Variants in PLD5 observed in about 807,000 individuals in gnomAD.
The protein encoded by PLD5 is inactive phospholipase D5.
PLD5 carries 36 observed loss-of-function variants against 61.1 expected under a neutral mutation model. The ratio of observed to expected loss-of-function variants is 0.59; its 90% CI spans 0.45 to 0.78. PLD5 has a LOEUF of 0.78. PLD5 is among the 30% of genes least tolerant of loss of function. PLD5 has a pLI of 0.00. For missense variants in PLD5, 515 were observed against 644.4 expected, an observed-to-expected ratio of 0.80 and a Z score of 2.17; for synonymous variants, 243 against 242.8, an observed-to-expected ratio of 1.00 and a Z score of -0.01.
chr1:242,246,639 G>A (rs925100901), intron 4 of PLD5, among the ~76,000 whole-genome samples: 7 of 152,164 alleles, frequency 4.6e-5, no homozygotes, highest in African/African-American at 1.2e-4. Flanking sequence ...AATAGCTTCT[G>A]TTTTGTAGAC....
At chr1:242,394,173 T>TGTATATATATGTGTATATATATGA (rs1663193429) in intron 1 of PLD5, among the ~76,000 whole-genome samples, 3 of 79,454 alleles carry the variant, frequency 3.8e-5, no homozygotes, top group African/African-American at 1.6e-4. Flanking sequence ...TATATATATG[T>TGTATATATATGTGTATATATATGA]GTATATATGA....
chr1:242,424,135 C>A (rs1202278264), intron 1 of PLD5, among the ~76,000 whole-genome samples: 2 of 152,182 alleles, frequency 1.3e-5, no homozygotes, highest in African/African-American at 4.8e-5. Flanking sequence ...TTTGTAATCC[C>A]TTCTCTACAG....
intron 2 of PLD5, among the ~76,000 whole-genome samples, chr1:242,316,252 C>T (rs989491820): frequency 2.0e-5 from 3 of 152,168 alleles, no homozygotes; most frequent in African/African-American, 4.8e-5. Flanking sequence ...AATGAGTGCC[C>T]ATTTTGGGGG....
Position 242,472,802 on chromosome 1 carries a change from CGT to C in PLD5, c.189+51284_189+51285del, listed in dbSNP as rs571568680. Among the ~76,000 whole-genome samples the C allele has an allele frequency of 6.0e-3, 919 of 152,066 alleles. 4 individuals are homozygous for C. The highest frequency in any genetic ancestry group is 0.02 in the Middle Eastern group (6 of 294). ...TTAACAGTCTCTACTTTATCAAATC[CGT>C]GTGTTCCATCTATGAATTTCAGATT... On this transcript the variant is annotated intron_variant, in intron 1 of 9. Coordinates refer to ENST00000536534, the MANE Select transcript of PLD5 (RefSeq NM_001372062.1).
At chr1:242,499,626 C>A (rs927633663) in intron 1 of PLD5, among the ~76,000 whole-genome samples, 1 of 152,010 alleles carries the variant, frequency 6.6e-6, no homozygotes, top group African/African-American at 2.4e-5. Flanking sequence ...GTGTAATTGG[C>A]AATAAGATGG....
intron 2 of PLD5, among the ~76,000 whole-genome samples, chr1:242,288,890 A>G (rs1018032071): frequency 3.9e-5 from 6 of 152,132 alleles, no homozygotes; most frequent in African/African-American, 7.2e-5. Context: ...AAGCAATTCA[A>G]TTCCTATATA....
intron 1 of PLD5, among the ~76,000 whole-genome samples, chr1:242,474,613 T>C (rs1230714465): frequency 6.6e-6 from 1 of 152,222 alleles, no homozygotes; most frequent in Non-Finnish European, 1.5e-5. Context: ...ACAGAACTGA[T>C]TAGGTTATTC....
intron 7 of PLD5, among the ~76,000 whole-genome samples, chr1:242,109,228 C>T (rs1161532867): frequency 1.3e-5 from 2 of 152,208 alleles, no homozygotes; most frequent in Non-Finnish European, 2.9e-5. Flanking sequence ...CCTGTCATTC[C>T]AGCACTTTGG....
intron 1 of PLD5, among the ~76,000 whole-genome samples, chr1:242,350,986 C>A (rs1660445321): frequency 6.6e-6 from 1 of 151,610 alleles, no homozygotes; most frequent in Admixed American, 6.6e-5. Flanking sequence ...ACCGCAACCT[C>A]TACCTCCCAG....
intron 6 of PLD5, among the ~76,000 whole-genome samples, chr1:242,116,441 G>T (rs1661952312): frequency 6.6e-6 from 1 of 152,146 alleles, no homozygotes. Flanking sequence ...TAGACTCAGG[G>T]GGTACAGGTG....
At position 242,194,603 on chromosome 1, in the gene PLD5, T is replaced by TATCTATCTATCTATCTATCTATCTATCTA. The variant is rs1193250766; in HGVS notation, c.735+25384_735+25385insTAGATAGATAGATAGATAGATAGATAGAT. ...CTATCTATCTATCTATCTATCTATCTATGTATCTATCTATGTATCTATCTA... is the reference window on the plus strand; with the variant it reads ...CTATCTATCTATCTATCTATCTATCTATCTATCTATCTATCTATCTATCTATCTAATGTATCTATCTATGTATCTATCTA... On this transcript the variant is annotated intron_variant, in intron 5 of 9. Transcript: ENST00000536534. Among the ~76,000 whole-genome samples, 28 of 74,386 alleles carry TATCTATCTATCTATCTATCTATCTATCTA rather than the reference T, an allele frequency of 3.8e-4. No individual in the cohort carries two copies. In the South Asian group the frequency reaches 4.7e-3, roughly 12 times the overall value. The allele number at this position is 74,386 out of a possible 152,430, so 48.8% of individuals were successfully genotyped here. A position where few individuals can be genotyped will look rare whatever the true frequency, so the allele number is the denominator to read the frequency against.
chr1:242,123,661 G>A (rs2840615), intron 6 of PLD5, among the ~76,000 whole-genome samples: 125,512 of 152,260 alleles, frequency 0.82, 52,307 homozygotes, highest in African/African-American at 0.95. Flanking sequence ...CCACACACAC[G>A]GTGGCCCCAG....
Position 242,498,739 on chromosome 1 carries a change from G to A in PLD5, c.189+25349C>T, listed in dbSNP as rs142075129. ...ATTGTTCACTGCTTCATTTTTCTTC[G>A]TTGAACTTATCATTTTAAAGTCTGC... On this transcript the variant is annotated intron_variant, in intron 1 of 9. Coordinates refer to ENST00000536534, the MANE Select transcript of PLD5 (RefSeq NM_001372062.1). Among the ~76,000 whole-genome samples, 1,272 of 152,098 alleles carry A rather than the reference G, an allele frequency of 8.4e-3. 14 individuals carry two copies. Among genetic ancestry groups the A allele is most frequent in the South Asian group, 0.035 (171 of 4,820 alleles).
intron 8 of PLD5, among the ~76,000 whole-genome samples, chr1:242,105,561 A>G (rs1364511348): frequency 1.3e-5 from 2 of 151,846 alleles, no homozygotes; most frequent in African/African-American, 4.8e-5. Flanking sequence ...TAGAGGAGAT[A>G]AATAGGCTCA....
intron 3 of PLD5, among the ~76,000 whole-genome samples, chr1:242,282,328 C>A (rs990870941): frequency 6.6e-6 from 1 of 152,110 alleles, no homozygotes; most frequent in African/African-American, 2.4e-5. Flanking sequence ...GGTCAAAAAA[C>A]AAAACAAAAC....
At chr1:242,194,582 C>CTATCTATCTATG (rs1558328360) in intron 5 of PLD5, among the ~76,000 whole-genome samples, 2 of 70,322 alleles carry the variant, frequency 2.8e-5, no homozygotes, top group Non-Finnish European at 4.9e-5. Flanking sequence ...ATCTATCTAT[C>CTATCTATCTATG]TATCTATCTA....
chr1:242,361,771 A>G (rs1661078260), intron 1 of PLD5, among the ~76,000 whole-genome samples: 2 of 152,200 alleles, frequency 1.3e-5, no homozygotes, highest in African/African-American at 4.8e-5. Flanking sequence ...TATTATCTCT[A>G]ACTAGAGAAA....
At chr1:242,499,036 G>T (rs573186158) in intron 1 of PLD5, among the ~76,000 whole-genome samples, 1 of 152,262 alleles carries the variant, frequency 6.6e-6, no homozygotes, top group East Asian at 1.9e-4. Context: ...TACCAAATTA[G>T]TGGACAAAAA....
At chr1:242,114,114 C>G in intron 6 of PLD5, 88 bp from the exon 7 acceptor site, 1 of 1,433,576 alleles carries the variant, frequency 7.0e-7, no homozygotes, top group Admixed American at 2.3e-5. Flanking sequence ...CGGACCTTGG[C>G]TTGTAACTAT....
Sources: allele counts gnomAD v4.1 joint callset (sites outside exome capture counted in the v4.1 genomes callset), GRCh38; gene constraint gnomAD v4.1.1; transcripts MANE v1.5; gene names NCBI Gene and HGNC (gene_info 2026-07-23, HGNC 2026-07-21).